Variants in RBFOX1 observed in about 807,000 individuals in gnomAD.
RBFOX1 encodes RNA binding fox-1 homolog 1, also known as RNA binding protein fox-1 homolog 1.
A neutral mutation model predicts 57.7 loss-of-function variants in RBFOX1; 8 were observed. That is an observed-to-expected ratio of 0.14 (90% CI 0.08 to 0.25). The LOEUF is 0.25. Ranked by LOEUF, RBFOX1 falls within the 10% of genes least tolerant of loss-of-function variation. The pLI, the probability that RBFOX1 is intolerant of heterozygous loss-of-function variation, is 1.00. For missense variants in RBFOX1, 611 were observed against 548.5 expected, an observed-to-expected ratio of 1.11 and a Z score of -1.14; for synonymous variants, 326 against 222.4, an observed-to-expected ratio of 1.47 and a Z score of -4.15.
At chr16:7,401,203 A>C (rs1223725711) in intron 4 of RBFOX1, among the ~76,000 whole-genome samples, 1 of 152,246 alleles carries the variant, frequency 6.6e-6, no homozygotes, top group Non-Finnish European at 1.5e-5. Flanking sequence ...TTTTCATCAC[A>C]CAGTAGTTGG....
chr16:5,416,935 A>G (rs1409531165), intron 1 of RBFOX1, among the ~76,000 whole-genome samples: 1 of 152,142 alleles, frequency 6.6e-6, no homozygotes, highest in Non-Finnish European at 1.5e-5. Flanking sequence ...AACCAAGGGG[A>G]TGGCTTATGG....
chr16:5,446,538 C>T (rs1597098964), intron 1 of RBFOX1, among the ~76,000 whole-genome samples: 1 of 152,092 alleles, frequency 6.6e-6, no homozygotes, highest in South Asian at 2.1e-4. Flanking sequence ...AGATCAACAC[C>T]CTGTCCTCTT....
intron 3 of RBFOX1, among the ~76,000 whole-genome samples, chr16:5,734,226 G>C (rs1385047174): frequency 6.6e-6 from 1 of 152,116 alleles, no homozygotes; most frequent in East Asian, 1.9e-4. Context: ...CGCTTTGAGA[G>C]GCTGAGGTGG....
intron 4 of RBFOX1, among the ~76,000 whole-genome samples, chr16:5,897,148 G>A (rs1426780443): frequency 2.0e-5 from 3 of 148,260 alleles, no homozygotes; most frequent in African/African-American, 5.0e-5. Context: ...CGATTCTCCC[G>A]CCTCAGCCTC....
intron 4 of RBFOX1, among the ~76,000 whole-genome samples, chr16:7,447,229 C>G (rs1057068635): frequency 2.0e-5 from 3 of 151,596 alleles, no homozygotes; most frequent in South Asian, 2.1e-4. Context: ...GTCAGGAGTT[C>G]GAGACCAGCC....
chr16:6,814,815 C>G (rs1314815051), intron 3 of RBFOX1, among the ~76,000 whole-genome samples: 1 of 151,994 alleles, frequency 6.6e-6, no homozygotes, highest in Non-Finnish European at 1.5e-5. Flanking sequence ...GGGTTTATGT[C>G]CTGTGAGTGT....
At chr16:7,000,391 G>A (rs1301722197) in intron 3 of RBFOX1, among the ~76,000 whole-genome samples, 1 of 151,986 alleles carries the variant, frequency 6.6e-6, no homozygotes, top group African/African-American at 2.4e-5. Flanking sequence ...CCAACTCAGT[G>A]TTTGCAATCT....
intron 4 of RBFOX1, among the ~76,000 whole-genome samples, chr16:5,989,880 A>ACACACACACACACACACACAC (rs33912010): frequency 7.9e-6 from 1 of 127,208 alleles, no homozygotes; most frequent in African/African-American, 2.9e-5. Context: ...ACACACACAC[A>ACACACACACACACACACACAC]CCACCCCTGT....
At chr16:6,612,239 C>T (rs2098070679) in intron 2 of RBFOX1, among the ~76,000 whole-genome samples, 1 of 152,102 alleles carries the variant, frequency 6.6e-6, no homozygotes, top group African/African-American at 2.4e-5. Context: ...ATACTCTTGA[C>T]CAATATTCCC....
chr16:7,539,234 G>T lies in RBFOX1; in HGVS notation c.270+20845G>T, dbSNP rs548695275. ...GGTTGAAAAAGAGAAGATTAAGGAG[G>T]GAGGGACATGAGATCAGGGAAGCCT... On this transcript the variant is annotated intron_variant, in intron 5 of 15. Transcript: ENST00000550418. Among the ~76,000 whole-genome samples, 20 of 152,238 alleles carry T rather than the reference G, an allele frequency of 1.3e-4. No homozygotes were observed. In the East Asian group the frequency reaches 3.9e-3, roughly 30 times the overall value.
At chr16:7,104,831 C>G (rs1408375650) in intron 4 of RBFOX1, among the ~76,000 whole-genome samples, 1 of 152,142 alleles carries the variant, frequency 6.6e-6, no homozygotes, top group Non-Finnish European at 1.5e-5. Flanking sequence ...AGACAAAACA[C>G]ATTCTTCAAG....
intron 4 of RBFOX1, among the ~76,000 whole-genome samples, chr16:5,934,446 C>A (rs576096474): frequency 6.6e-6 from 1 of 152,136 alleles, no homozygotes; most frequent in Non-Finnish European, 1.5e-5. Context: ...ACTGAGTCCA[C>A]TTAAAGAAAT....
intron 4 of RBFOX1, among the ~76,000 whole-genome samples, chr16:5,911,632 A>G: frequency 6.6e-6 from 1 of 152,206 alleles, no homozygotes; most frequent in East Asian, 1.9e-4. Flanking sequence ...CTGATGTAAC[A>G]AAATACCATG....
At chr16:7,536,261 A>G (rs1481074436) in intron 5 of RBFOX1, among the ~76,000 whole-genome samples, 3 of 152,208 alleles carry the variant, frequency 2.0e-5, no homozygotes, top group Non-Finnish European at 4.4e-5. Context: ...ATCAAAGCGG[A>G]GATGCATTCA....
chr16:6,803,325 G>C (rs1481357109), intron 3 of RBFOX1, among the ~76,000 whole-genome samples: 3 of 152,174 alleles, frequency 2.0e-5, no homozygotes, highest in Non-Finnish European at 4.4e-5. Context: ...GTCATTGGAA[G>C]CAGAAAACTA....
chr16:6,896,404 A>T (rs562796228), intron 3 of RBFOX1, among the ~76,000 whole-genome samples: 3 of 152,182 alleles, frequency 2.0e-5, no homozygotes, highest in Admixed American at 2.0e-4. Context: ...CTTTAAACTC[A>T]TCAACCATCC....
At chr16:7,511,445 T>A (rs2075058160) in intron 4 of RBFOX1, among the ~76,000 whole-genome samples, 1 of 152,154 alleles carries the variant, frequency 6.6e-6, no homozygotes, top group African/African-American at 2.4e-5. Flanking sequence ...AAATTCAGGG[T>A]TCAGGATATT....
At chr16:6,061,955 T>C (rs750073392) in intron 1 of RBFOX1, among the ~76,000 whole-genome samples, 14 of 152,200 alleles carry the variant, frequency 9.2e-5, no homozygotes, top group Non-Finnish European at 1.6e-4. Flanking sequence ...GGTTGTGACC[T>C]GTGCTTCTGA....
At chr16:6,611,210 A>T (rs1333091327) in intron 2 of RBFOX1, among the ~76,000 whole-genome samples, 1 of 152,084 alleles carries the variant, frequency 6.6e-6, no homozygotes, top group Non-Finnish European at 1.5e-5. Context: ...ATAATGGTGC[A>T]ATCTAGGATC....
Sources: allele counts gnomAD v4.1 joint callset (sites outside exome capture counted in the v4.1 genomes callset), GRCh38; gene constraint gnomAD v4.1.1; transcripts MANE v1.5; gene names NCBI Gene and HGNC (gene_info 2026-07-23, HGNC 2026-07-21).